The following ZNF469 variants were observed in gnomAD, a reference collection of about 807,000 sequenced individuals.
ZNF469 encodes the protein zinc finger protein 469.
A neutral mutation model predicts 1.0 loss-of-function variants in ZNF469; 1 was observed. The ratio of observed to expected loss-of-function variants is 1.00; its 90% CI spans 0.35 to 4.73. ZNF469 has a LOEUF of 4.73. ZNF469 is among the 30% of genes most tolerant of loss of function. The pLI is 0.16. For missense variants in ZNF469, 6,100 were observed against 5,356.3 expected (o/e 1.14, Z -4.33); for synonymous variants, 2,703 against 2,363.4 (o/e 1.14, Z -4.17).
the ZNF469 span, among the ~76,000 whole-genome samples, chr16:88,123,318 A>G: frequency 6.6e-6 from 1 of 152,194 alleles, no homozygotes; most frequent in Non-Finnish European, 1.5e-5. Flanking sequence ...TTATCCATGC[A>G]GTGTTGCCTC....
chr16:88,271,975 G>T, the ZNF469 span, among the ~76,000 whole-genome samples: 1 of 152,258 alleles, frequency 6.6e-6, no homozygotes, highest in Non-Finnish European at 1.5e-5. Flanking sequence ...TAGGTGAATG[G>T]ATAGATGAGT....
At chr16:88,406,158 G>A (rs1020735550) in intron 1 of ZNF469, among the ~76,000 whole-genome samples, 4 of 152,236 alleles carry the variant, frequency 2.6e-5, no homozygotes, top group Admixed American at 2.6e-4. Context: ...CCTCGCCAAA[G>A]GTGGGACTGC....
At chr16:88,349,999 T>A in the ZNF469 span, among the ~76,000 whole-genome samples, 17 of 132,284 alleles carry the variant, frequency 1.3e-4, no homozygotes, top group African/African-American at 4.8e-4. Context: ...CACAAGCACA[T>A]GCAGCACGCA....
the ZNF469 span, among the ~76,000 whole-genome samples, chr16:88,216,469 G>A: frequency 6.7e-6 from 1 of 150,040 alleles, no homozygotes; most frequent in Non-Finnish European, 1.5e-5. Flanking sequence ...ACTCCAGTCT[G>A]GGCAACAGAG....
chr16:88,130,835 C>T, the ZNF469 span, among the ~76,000 whole-genome samples: 5,010 of 151,804 alleles, frequency 0.033, no homozygotes, highest in African/African-American at 0.11. Context: ...GCAGCACCGG[C>T]GCTGGGAAAC....
chr16:88,274,318 G>A, the ZNF469 span, among the ~76,000 whole-genome samples: 1 of 152,246 alleles, frequency 6.6e-6, no homozygotes, highest in Non-Finnish European at 1.5e-5. Context: ...AGAGAGTTCT[G>A]TGGATGGTGG....
chr16:88,341,520 A>C, the ZNF469 span, among the ~76,000 whole-genome samples: 12 of 152,190 alleles, frequency 7.9e-5, no homozygotes, highest in Admixed American at 5.9e-4. Flanking sequence ...ACGTAATCCC[A>C]ATTTCCTTTC....
At chr16:88,229,671 G>A in the ZNF469 span, among the ~76,000 whole-genome samples, 19 of 150,496 alleles carry the variant, frequency 1.3e-4, no homozygotes, top group Admixed American at 5.3e-4. Context: ...TGGATGTCGC[G>A]TGTGTGCTGA....
chr16:88,140,033 C>A, the ZNF469 span, among the ~76,000 whole-genome samples: 105 of 152,336 alleles, frequency 6.9e-4, 1 homozygote, highest in African/African-American at 2.4e-3. Context: ...GGATCAAGTG[C>A]AGTGAACACA....
rs1906165672 is a variant in ZNF469 at position 88,431,332 on chromosome 16, G to A, written c.3862G>A (p.Ala1288Thr). The change falls in exon 3 of 3, where the codon GCG becomes ACG. Residue 1288 changes from alanine to threonine, a missense_variant. Ala to Thr is a moderately conservative substitution (Grantham distance 58). Coordinates refer to ENST00000565624, the MANE Select transcript of ZNF469 (RefSeq NM_001367624.2). ...GCCGTCGGGAAGCCTCGCCAACACG[G>A]CGCCCCACGGAAGCTCGCCAACGCC... ...PKPSGSLANT[A>T]PHGSSPTPGV... 1.3e-6 allele frequency: 2 copies of A among 1,549,558 alleles called. No homozygotes were observed. Among genetic ancestry groups the A allele is most frequent in the Non-Finnish European group, 1.7e-6 (2 of 1,146,604 alleles).
At position 88,431,471 on chromosome 16, in the gene ZNF469, C is replaced by T. The variant is rs1016116935; in HGVS notation, c.4001C>T (p.Pro1334Leu). The change falls in exon 3 of 3, where the codon CCC becomes CTC. Residue 1334 changes from proline to leucine, a missense_variant. Transcript: ENST00000565624. ...GAATTTCTGGCACCCGTGGCTAACC[C>T]CTCAAGTACCGCCTGCCCCAAACCC... is the stretch of plus-strand genomic sequence containing the variant. ...PGEFLAPVAN[P>L]SSTACPKPSV... 14 of 1,550,292 alleles carry T rather than the reference C, an allele frequency of 9.0e-6. No individual in the cohort carries two copies. The African/African-American group carries it at 1.8e-4, about 20-fold the overall frequency.
At chr16:88,161,785 C>G in the ZNF469 span, among the ~76,000 whole-genome samples, 1 of 152,130 alleles carries the variant, frequency 6.6e-6, no homozygotes, top group African/African-American at 2.4e-5. Context: ...GAGGGACAGC[C>G]GAGGAAGCCA....
the ZNF469 span, among the ~76,000 whole-genome samples, chr16:88,241,031 T>C: frequency 6.6e-6 from 1 of 152,116 alleles, no homozygotes; most frequent in Non-Finnish European, 1.5e-5. The surrounding 1 kb of genome is among the most constrained non-coding windows in gnomAD (Gnocchi z 4.8). Context: ...CTGGCAGGGC[T>C]CTGCCATTGT....
the ZNF469 span, among the ~76,000 whole-genome samples, chr16:88,245,039 A>G: frequency 6.6e-6 from 1 of 152,056 alleles, no homozygotes; most frequent in Non-Finnish European, 1.5e-5. Context: ...CCTGAGCAGC[A>G]GGACACACCC....
chr16:88,170,898 C>G, the ZNF469 span, among the ~76,000 whole-genome samples: 1 of 149,710 alleles, frequency 6.7e-6, no homozygotes, highest in East Asian at 2.0e-4. The surrounding 1 kb of genome is among the most constrained non-coding windows in gnomAD (Gnocchi z 4.2). Context: ...TGTTGCCGCT[C>G]CACACCCAGC....
At chr16:88,281,566 C>T in the ZNF469 span, among the ~76,000 whole-genome samples, 1 of 148,496 alleles carries the variant, frequency 6.7e-6, no homozygotes, top group African/African-American at 2.5e-5. Context: ...TGCTGTGCCA[C>T]ACCAATGCTT....
the ZNF469 span, among the ~76,000 whole-genome samples, chr16:88,304,947 C>T: frequency 3.3e-5 from 5 of 152,212 alleles, no homozygotes; most frequent in East Asian, 7.7e-4. Context: ...ATCCTGGGCT[C>T]TTAAAGCCAC....
At chr16:88,284,110 C>CCCGAGGT in the ZNF469 span, among the ~76,000 whole-genome samples, 2 of 129,114 alleles carry the variant, frequency 1.5e-5, no homozygotes, top group Non-Finnish European at 3.2e-5. Context: ...CCCGAGTGTG[C>CCCGAGGT]CTGAGGTCTG....
intron 1 of ZNF469, among the ~76,000 whole-genome samples, chr16:88,400,669 G>A (rs554404617): frequency 7.6e-4 from 116 of 152,224 alleles, no homozygotes; most frequent in Non-Finnish European, 1.2e-3. Flanking sequence ...ATGGGTCAGC[G>A]GGTGGTCGGC....
Sources: gnomAD v4.1 joint callset for allele counts (sites outside exome capture counted in the v4.1 genomes callset) on GRCh38, gnomAD v4.1.1 for gene constraint, Gnocchi (gnomAD v3.1) non-coding constraint, MANE v1.5 for transcripts, NCBI Gene and HGNC (gene_info 2026-07-23, HGNC 2026-07-21) for gene names.